Variants in GTF2F2 observed in about 807,000 individuals in gnomAD.
GTF2F2 encodes the protein ATP-dependent helicase GTF2F2.
In GTF2F2, 23 loss-of-function variants were observed where a neutral mutation model predicts 42.2. That is an observed-to-expected ratio of 0.55 (90% CI 0.39 to 0.77). The LOEUF is 0.77. Among genes scored for constraint, GTF2F2 ranks in the 30% least tolerant of loss-of-function variants. The probability of loss-of-function intolerance (pLI) is 0.00; values close to 1 mark genes in which losing one functional copy is unlikely to be tolerated. For synonymous variants in GTF2F2, 105 were observed against 100.8 expected (o/e 1.04, Z -0.25); for missense variants, 261 against 287.2 (o/e 0.91, Z 0.66).
Position 45,206,000 on chromosome 13 carries a change from A to G in GTF2F2, c.305-1424A>G, listed in dbSNP as rs560860149. On this transcript the variant is annotated intron_variant, in intron 4 of 7. Coordinates refer to ENST00000340473, the MANE Select transcript of GTF2F2 (RefSeq NM_004128.3). ...TTGAATATAAGCTTTTTGCTTTAAGAAAATTCAAATTTTAATTTTATTAAA... is the reference window on the plus strand; with the variant it reads ...TTGAATATAAGCTTTTTGCTTTAAGGAAATTCAAATTTTAATTTTATTAAA... Among the ~76,000 whole-genome samples, 7 of 152,318 alleles carry G rather than the reference A, an allele frequency of 4.6e-5. No homozygotes were observed. In the South Asian group the frequency reaches 1.0e-3, roughly 23 times the overall value.
At chr13:45,140,748 C>T (rs1328604658) in intron 2 of GTF2F2, among the ~76,000 whole-genome samples, 2 of 151,912 alleles carry the variant, frequency 1.3e-5, no homozygotes, top group African/African-American at 4.8e-5. Context: ...TAATGAACTT[C>T]AGAGTTTTTT....
intron 7 of GTF2F2, among the ~76,000 whole-genome samples, chr13:45,274,620 C>G (rs1322211385): frequency 6.6e-6 from 1 of 152,134 alleles, no homozygotes; most frequent in Non-Finnish European, 1.5e-5. Flanking sequence ...TGAGCCACCA[C>G]GCCCGACCAA....
chr13:45,263,799 C>G (rs1259961444), intron 6 of GTF2F2: 1 of 163,242 alleles, frequency 6.1e-6, no homozygotes, highest in African/African-American at 2.4e-5. Context: ...TTGCAGCTCT[C>G]TGTAAGTTTG....
chr13:45,171,798 T>G (rs2138145237), intron 4 of GTF2F2, among the ~76,000 whole-genome samples: 1 of 152,256 alleles, frequency 6.6e-6, no homozygotes, highest in Admixed American at 6.5e-5. Flanking sequence ...TACTTTCTGG[T>G]TCTATAGATT....
At chr13:45,160,592 G>A (rs1459524592) in intron 4 of GTF2F2, among the ~76,000 whole-genome samples, 1 of 152,046 alleles carries the variant, frequency 6.6e-6, no homozygotes, top group Non-Finnish European at 1.5e-5. Context: ...ATGTTGACAC[G>A]TTTCATTATA....
chr13:45,258,438 C>T (rs746174022), intron 6 of GTF2F2, among the ~76,000 whole-genome samples: 38 of 152,176 alleles, frequency 2.5e-4, no homozygotes, highest in Non-Finnish European at 4.9e-4. Context: ...GCTGGAAACC[C>T]GCTAGCAAGG....
At chr13:45,239,133 T>A (rs763246897) in intron 5 of GTF2F2, among the ~76,000 whole-genome samples, 5 of 152,032 alleles carry the variant, frequency 3.3e-5, no homozygotes, top group African/African-American at 1.2e-4. Context: ...CCCTCCCCAG[T>A]TTGGGCATCT....
At chr13:45,206,160 C>G (rs1175066819) in intron 4 of GTF2F2, among the ~76,000 whole-genome samples, 1 of 152,018 alleles carries the variant, frequency 6.6e-6, no homozygotes, top group Non-Finnish European at 1.5e-5. Context: ...TCTGCATCTT[C>G]TTGAGATTTG....
At chr13:45,137,980 A>G (rs1257434317) in intron 2 of GTF2F2, among the ~76,000 whole-genome samples, 1 of 152,134 alleles carries the variant, frequency 6.6e-6, no homozygotes, top group Admixed American at 6.6e-5. Flanking sequence ...TCCTTTTCAT[A>G]ATCGGCCACG....
chr13:45,229,872 T>G (rs1207791871), intron 5 of GTF2F2, among the ~76,000 whole-genome samples: 1 of 151,972 alleles, frequency 6.6e-6, no homozygotes, highest in Non-Finnish European at 1.5e-5. Context: ...CATAAAAAAA[T>G]AGAGTAAAAG....
At chr13:45,201,302 C>T (rs1873170545) in intron 4 of GTF2F2, among the ~76,000 whole-genome samples, 1 of 152,154 alleles carries the variant, frequency 6.6e-6, no homozygotes, top group African/African-American at 2.4e-5. Flanking sequence ...TGGGCAGCTT[C>T]TTAACATTTT....
rs565520538 is a variant in GTF2F2, at chr13:45,259,094, G to A, written c.486+6124G>A. Reference sequence around the variant, plus strand: ...CTCTGTTGTCTAGACATTTGTTTTCGGTGTTGCTGTATACTAGAATCACCT... The same window carrying A: ...CTCTGTTGTCTAGACATTTGTTTTCAGTGTTGCTGTATACTAGAATCACCT... On this transcript the variant is annotated intron_variant, in intron 6 of 7. Transcript: ENST00000340473. Among the ~76,000 whole-genome samples the A allele has an allele frequency of 4.6e-5, 7 of 151,870 alleles. No individual in the cohort carries two copies. The South Asian group carries it at 1.0e-3, about 23-fold the overall frequency.
At chr13:45,132,532 G>A (rs931046115) in intron 1 of GTF2F2, among the ~76,000 whole-genome samples, 1 of 151,874 alleles carries the variant, frequency 6.6e-6, no homozygotes, top group Non-Finnish European at 1.5e-5. Flanking sequence ...AATGAGAGAA[G>A]ACAGAAGTTA....
rs74760889 is a variant in GTF2F2, at chr13:45,174,639, T to C, written c.304+22808T>C. On this transcript the variant is annotated intron_variant, in intron 4 of 7. Coordinates refer to ENST00000340473, the MANE Select transcript of GTF2F2 (RefSeq NM_004128.3). ...GGAGCACTGTTTTCTTTTTTCTTTT[T>C]TTTTTTTTTTTTTTTTAGAAATAAT... Among the ~76,000 whole-genome samples, 687 of 94,468 alleles carry C rather than the reference T, an allele frequency of 7.3e-3. 5 individuals are homozygous for C. Among genetic ancestry groups the C allele is most frequent in the Middle Eastern group, 0.028 (5 of 180 alleles). The allele number at this position is 94,468 out of a possible 152,430, so 62.0% of individuals were successfully genotyped here. A position where few individuals can be genotyped will look rare whatever the true frequency, so the allele number is the denominator to read the frequency against.
chr13:45,137,039 A>C (rs1178587764), intron 2 of GTF2F2, among the ~76,000 whole-genome samples: 3 of 152,176 alleles, frequency 2.0e-5, no homozygotes, highest in African/African-American at 7.2e-5. Flanking sequence ...TATAATATCA[A>C]GTTTATTGGT....
At chr13:45,266,171 A>G (rs1876553211) in intron 6 of GTF2F2, among the ~76,000 whole-genome samples, 2 of 152,196 alleles carry the variant, frequency 1.3e-5, no homozygotes, top group Admixed American at 1.3e-4. Flanking sequence ...TAAACATAAC[A>G]CATGGTCCTG....
rs3047056 is a variant in GTF2F2, at chr13:45,236,490, T to TACACAC, written c.387-16347_387-16342dup. ...TTGATTCCTCACCCCCCGCCACACA[T>TACACAC]ACACACACACACACACACACACACA... On this transcript the variant is annotated intron_variant, in intron 5 of 7. Coordinates refer to ENST00000340473, the MANE Select transcript of GTF2F2 (RefSeq NM_004128.3). Among the ~76,000 whole-genome samples the TACACAC allele has an allele frequency of 5.7e-3, 816 of 142,020 alleles. 6 individuals are homozygous for TACACAC. Among genetic ancestry groups the TACACAC allele is most frequent in the Middle Eastern group, 0.029 (8 of 280 alleles). 93.2% of individuals were successfully genotyped at this position (142,020 alleles called of 152,430 possible). A position where few individuals can be genotyped will look rare whatever the true frequency, so the allele number is the denominator to read the frequency against.
intron 5 of GTF2F2, among the ~76,000 whole-genome samples, chr13:45,220,169 C>T (rs1330658589): frequency 1.3e-5 from 2 of 152,120 alleles, no homozygotes; most frequent in African/African-American, 4.8e-5. Flanking sequence ...GCATTTGTGT[C>T]CTACAAGCTG....
At chr13:45,164,470 T>C (rs1206552946) in intron 4 of GTF2F2, among the ~76,000 whole-genome samples, 2 of 152,164 alleles carry the variant, frequency 1.3e-5, no homozygotes, top group African/African-American at 4.8e-5. Context: ...TAGTGGCTCA[T>C]GCCTGTAACC....
Sources: allele counts gnomAD v4.1 joint callset (sites outside exome capture counted in the v4.1 genomes callset), GRCh38; gene constraint gnomAD v4.1.1; transcripts MANE v1.5; gene names NCBI Gene and HGNC (gene_info 2026-07-23, HGNC 2026-07-21).